TRHDE: variants seen among roughly 807,000 people sequenced by gnomAD.
The protein encoded by TRHDE is thyrotropin releasing hormone degrading enzyme.
In TRHDE, 72 loss-of-function variants were observed where a neutral mutation model predicts 125.7. The ratio of observed to expected loss-of-function variants is 0.57; its 90% CI spans 0.47 to 0.70. TRHDE has a LOEUF of 0.70. TRHDE is among the 30% of genes least tolerant of loss of function. The probability of loss-of-function intolerance (pLI) is 0.00; values close to 1 mark genes in which losing one functional copy is unlikely to be tolerated. For missense variants in TRHDE, 1,110 were observed against 1,327.1 expected (o/e 0.84, Z 2.54); for synonymous variants, 509 against 509.1 (o/e 1.00, Z 0.00).
intron 2 of TRHDE, among the ~76,000 whole-genome samples, chr12:72,348,986 T>A (rs1473727115): frequency 6.6e-5 from 10 of 152,164 alleles, no homozygotes. Flanking sequence ...TGGATTTTGC[T>A]TTTTCAAGCT....
chr12:72,573,166 A>G (rs190286019), intron 10 of TRHDE, among the ~76,000 whole-genome samples: 59 of 152,046 alleles, frequency 3.9e-4, no homozygotes, highest in Middle Eastern at 3.6e-3. Flanking sequence ...AAAAAGAAAC[A>G]ACATTCTCAA....
chr12:72,509,201 CAG>C (rs1878480689), intron 6 of TRHDE, among the ~76,000 whole-genome samples: 1 of 152,034 alleles, frequency 6.6e-6, no homozygotes, highest in South Asian at 2.1e-4. Flanking sequence ...ATCAAGCATT[CAG>C]AGTGATGTTT....
At position 72,286,932 on chromosome 12, in the gene TRHDE, C is replaced by T; in HGVS notation, c.1166C>T (p.Thr389Ile). 1 of 1,613,960 alleles carries T rather than the reference C, an allele frequency of 6.2e-7. No homozygotes were observed. The highest frequency in any genetic ancestry group is 8.5e-7 in the Non-Finnish European group (1 of 1,179,970). The change falls in exon 2 of 19, where the codon ACT (threonine) becomes ATT (isoleucine). Residue 389 changes from threonine to isoleucine, a missense_variant. Transcript: ENST00000261180. ...ATTTGCAACTTCACATACAGAGAAA[C>T]TACCACCAAGAGTGGGGTTGTAGTA... Reference protein sequence around the residue: ...WAICNFTYRETTTKSGVVVRL... With the variant: ...WAICNFTYREITTKSGVVVRL...
intron 2 of TRHDE, among the ~76,000 whole-genome samples, chr12:72,296,013 C>T (rs1029759824): frequency 1.8e-4 from 28 of 152,182 alleles, no homozygotes; most frequent in Admixed American, 1.8e-3. Flanking sequence ...TTTTTACACT[C>T]ATCTCTCACA....
intron 7 of TRHDE, among the ~76,000 whole-genome samples, chr12:72,557,787 G>A (rs777442527): frequency 3.9e-5 from 6 of 151,972 alleles, no homozygotes; most frequent in Non-Finnish European, 7.4e-5. Flanking sequence ...ATATGCAATC[G>A]CATATATCCA....
intron 6 of TRHDE, among the ~76,000 whole-genome samples, chr12:72,510,348 A>C (rs1044772307): frequency 7.2e-5 from 11 of 152,220 alleles, no homozygotes; most frequent in African/African-American, 9.6e-5. Context: ...TTTCTGTAAA[A>C]TGGTTGGACA....
Position 72,542,453 on chromosome 12 carries a change from A to G in TRHDE, c.1788+97A>G. The stretch of plus-strand genomic sequence containing the variant: ...AATACAAAATTGCTGAACTTGGTGG[A>G]AAACTTTAAGATGTGTAAGTTAAGC... On this transcript the variant is annotated intron_variant, in intron 7 of 18. Transcript: ENST00000261180. 3.0e-6 allele frequency: 3 copies of G among 990,484 alleles called. No individual in the cohort carries two copies. In the South Asian group the frequency reaches 5.2e-5, roughly 17 times the overall value. 61.4% of individuals were successfully genotyped at this position (990,484 alleles called of 1,614,324 possible).
At position 72,469,820 on chromosome 12, in the gene TRHDE, G is replaced by A. The variant is rs1876556715; in HGVS notation, c.1378G>A (p.Val460Met). 6.2e-7 allele frequency: 1 copy of A among 1,613,954 alleles called. No homozygotes were observed. The highest frequency in any genetic ancestry group is 8.5e-7 in the Non-Finnish European group (1 of 1,179,864). Reference protein sequence around the residue: ...AMENWGLSIFVEQRILLDPSV... With the variant: ...AMENWGLSIFMEQRILLDPSV... The stretch of plus-strand genomic sequence containing the variant: ...GGAGAACTGGGGACTAAGTATTTTT[G>A]TGGAACAAAGAATACTGCTGGATCC... Residue 460 changes from valine to methionine, a missense_variant, in exon 4 of 19, where the codon GTG becomes ATG. Transcript: ENST00000261180.
At chr12:72,214,730 A>G (rs1877849642) in intron 2 of TRHDE, among the ~76,000 whole-genome samples, 1 of 152,236 alleles carries the variant, frequency 6.6e-6, no homozygotes, top group African/African-American at 2.4e-5. Flanking sequence ...TTTTGAAGAA[A>G]AAAACAGACC....
chr12:72,107,717 C>G (rs996620632), intron 2 of TRHDE, among the ~76,000 whole-genome samples: 23 of 152,054 alleles, frequency 1.5e-4, no homozygotes, highest in Non-Finnish European at 3.4e-4. Flanking sequence ...CTGACTTAAA[C>G]TGCTGGATAC....
In TRHDE at chr12:72,520,474, G is replaced by A. The variant is rs1879138062; in HGVS notation, c.1722+20839G>A. 2.0e-5 allele frequency among the ~76,000 whole-genome samples: 3 copies of A among 152,272 alleles called. No individual in the cohort carries two copies. The South Asian group carries it at 6.2e-4, about 32-fold the overall frequency. On this transcript the variant is annotated intron_variant, in intron 6 of 18. Transcript: ENST00000261180. The stretch of plus-strand genomic sequence containing the variant: ...CCCTGACCCTTTGCGCTTCCTGAGT[G>A]AGGCAATGCCTCGCCCTGCTTCTGC...
intron 2 of TRHDE, among the ~76,000 whole-genome samples, chr12:72,115,020 G>A (rs779476825): frequency 4.0e-5 from 6 of 151,868 alleles, no homozygotes; most frequent in Non-Finnish European, 7.4e-5. Context: ...TTTGATACAG[G>A]CATACAATGT....
At chr12:72,201,860 T>C (rs535172377) in intron 2 of TRHDE, among the ~76,000 whole-genome samples, 1 of 152,336 alleles carries the variant, frequency 6.6e-6, no homozygotes, top group South Asian at 2.1e-4. Flanking sequence ...GCTTATGTCA[T>C]AGCCACATCC....
intron 2 of TRHDE, among the ~76,000 whole-genome samples, chr12:72,143,596 T>C (rs567971583): frequency 1.3e-5 from 2 of 152,166 alleles, no homozygotes; most frequent in East Asian, 1.9e-4. Flanking sequence ...TTACCTGCAT[T>C]TCCCATATTA....
intron 5 of TRHDE, among the ~76,000 whole-genome samples, chr12:72,492,354 A>G (rs1208614304): frequency 6.6e-6 from 1 of 151,964 alleles, no homozygotes; most frequent in Non-Finnish European, 1.5e-5. Context: ...ACTTTTGGAC[A>G]TTATAGAACT....
chr12:72,622,325 A>G (rs1199864457), intron 15 of TRHDE, among the ~76,000 whole-genome samples: 2 of 152,122 alleles, frequency 1.3e-5, no homozygotes, highest in Non-Finnish European at 1.5e-5. Context: ...GGAAAAAAAT[A>G]CTGTGCTAAA....
chr12:72,180,734 T>C (rs1877080303), intron 2 of TRHDE, among the ~76,000 whole-genome samples: 1 of 152,148 alleles, frequency 6.6e-6, no homozygotes, highest in Non-Finnish European at 1.5e-5. Flanking sequence ...CTTTTCAGGC[T>C]ACCCCATGCA....
intron 2 of TRHDE, among the ~76,000 whole-genome samples, chr12:72,163,823 T>C (rs115799233): frequency 0.029 from 4,424 of 152,266 alleles, 106 homozygotes; most frequent in African/African-American, 0.064. Context: ...TCAAGGGTAC[T>C]CAAATCGGCA....
At chr12:72,256,300 C>A (rs779064013) in intron 2 of TRHDE, 1 of 152,184 alleles carries the variant, frequency 6.6e-6, no homozygotes, top group Non-Finnish European at 1.5e-5. Context: ...GCCACCCAGA[C>A]CTGCTTGCCA....
Sources: allele counts gnomAD v4.1 joint callset (sites outside exome capture counted in the v4.1 genomes callset), GRCh38; gene constraint gnomAD v4.1.1; transcripts MANE v1.5; gene names NCBI Gene and HGNC (gene_info 2026-07-23, HGNC 2026-07-21).